LRRC49: variants seen among roughly 807,000 people sequenced by gnomAD.
The protein encoded by LRRC49 is leucine rich repeat containing 49, also known as leucine-rich repeat-containing protein 49.
Under a neutral mutation model 83.3 loss-of-function variants are expected in LRRC49, and 50 were observed. That is an observed-to-expected ratio of 0.60 (90% CI 0.48 to 0.76). LRRC49 has a LOEUF of 0.76. Ranked by LOEUF, LRRC49 falls within the 30% of genes least tolerant of loss-of-function variation. The probability of loss-of-function intolerance (pLI) is 0.00; values close to 1 mark genes in which losing one functional copy is unlikely to be tolerated. For missense variants in LRRC49, 704 were observed against 809.1 expected (o/e 0.87, Z 1.58); for synonymous variants, 286 against 283.3 (o/e 1.01, Z -0.10).
chr15:70,905,431 A>G (rs575256426), intron 5 of LRRC49, among the ~76,000 whole-genome samples: 1 of 152,164 alleles, frequency 6.6e-6, no homozygotes, highest in Non-Finnish European at 1.5e-5. Flanking sequence ...CTCCTCCTCC[A>G]TCTTTCCCTG....
intron 7 of LRRC49, among the ~76,000 whole-genome samples, chr15:70,926,070 G>C (rs1567055247): frequency 6.6e-6 from 1 of 152,010 alleles, no homozygotes; most frequent in Non-Finnish European, 1.5e-5. Context: ...ATAATGTCTT[G>C]ATATTCATCC....
At chr15:71,034,435 G>C (rs2039457150) in intron 14 of LRRC49, among the ~76,000 whole-genome samples, 3 of 152,066 alleles carry the variant, frequency 2.0e-5, no homozygotes, top group Admixed American at 2.0e-4. Context: ...ACTGTTAGTG[G>C]GAATGTAATT....
intron 14 of LRRC49, among the ~76,000 whole-genome samples, chr15:71,027,930 C>A (rs1365899391): frequency 6.6e-6 from 1 of 152,180 alleles, no homozygotes; most frequent in African/African-American, 2.4e-5. Flanking sequence ...TTTGAATACA[C>A]TTTATTTCTT....
chr15:70,876,931 G>T (rs2033164603), intron 2 of LRRC49, among the ~76,000 whole-genome samples: 1 of 152,074 alleles, frequency 6.6e-6, no homozygotes. Flanking sequence ...GCTTGTTCTG[G>T]CAACATTCTG....
At chr15:70,907,941 C>A in intron 5 of LRRC49, 1 of 455,946 alleles carries the variant, frequency 2.2e-6, no homozygotes, top group South Asian at 1.5e-5. Flanking sequence ...CCAGTAGGGG[C>A]CTTCTAGGTC....
intron 8 of LRRC49, among the ~76,000 whole-genome samples, chr15:70,960,378 C>G (rs1279373085): frequency 1.3e-5 from 2 of 152,136 alleles, no homozygotes; most frequent in Admixed American, 1.3e-4. Flanking sequence ...AGTCGTTGAG[C>G]CCAATAACTC....
chr15:70,995,665 C>T (rs1448930916), intron 11 of LRRC49, among the ~76,000 whole-genome samples: 1 of 152,138 alleles, frequency 6.6e-6, no homozygotes, highest in East Asian at 1.9e-4. Context: ...GGCAAAACTA[C>T]CTCTGATCAG....
intron 1 of LRRC49, among the ~76,000 whole-genome samples, chr15:70,863,483 C>T (rs2032840366): frequency 6.6e-6 from 1 of 152,192 alleles, no homozygotes; most frequent in Middle Eastern, 3.2e-3. Context: ...CTGTGGGTCC[C>T]AGGAGGAGCC....
At chr15:70,990,439 AG>A (rs2037824947) in intron 11 of LRRC49, among the ~76,000 whole-genome samples, 1 of 152,210 alleles carries the variant, frequency 6.6e-6, no homozygotes, top group Non-Finnish European at 1.5e-5. Flanking sequence ...CCTCCGAGCC[AG>A]GTGCGGGATA....
intron 8 of LRRC49, among the ~76,000 whole-genome samples, chr15:70,952,578 T>C (rs1469377223): frequency 6.6e-6 from 1 of 152,180 alleles, no homozygotes; most frequent in Non-Finnish European, 1.5e-5. Context: ...GTATGTGCCA[T>C]GTGCAGATGA....
At chr15:70,923,051 A>G (rs1298867934) in intron 7 of LRRC49, among the ~76,000 whole-genome samples, 1 of 152,042 alleles carries the variant, frequency 6.6e-6, no homozygotes, top group Non-Finnish European at 1.5e-5. Flanking sequence ...AAATCACTTC[A>G]GCTTCTTCCC....
At chr15:71,034,147 G>C (rs1482391862) in intron 14 of LRRC49, among the ~76,000 whole-genome samples, 2 of 151,940 alleles carry the variant, frequency 1.3e-5, no homozygotes, top group Non-Finnish European at 2.9e-5. Context: ...TCTGACAAAG[G>C]CCTAATATCC....
At chr15:70,993,049 G>A (rs1010921070) in intron 11 of LRRC49, among the ~76,000 whole-genome samples, 2 of 152,216 alleles carry the variant, frequency 1.3e-5, no homozygotes, top group Admixed American at 6.5e-5. Context: ...CTTGCTGGCT[G>A]CTTTGTTTAC....
intron 9 of LRRC49, among the ~76,000 whole-genome samples, chr15:70,975,650 G>A (rs929480949): frequency 4.6e-5 from 7 of 152,150 alleles, no homozygotes; most frequent in African/African-American, 9.6e-5. Flanking sequence ...CCAAGATCTC[G>A]CCACTGCACT....
At chr15:70,958,088 A>G (rs553494831) in intron 8 of LRRC49, among the ~76,000 whole-genome samples, 1 of 152,066 alleles carries the variant, frequency 6.6e-6, no homozygotes, top group Admixed American at 6.5e-5. Context: ...TCACATCCAA[A>G]TGATTACTAA....
chr15:71,001,266 G>C (rs1046061927), intron 11 of LRRC49, among the ~76,000 whole-genome samples: 6 of 152,232 alleles, frequency 3.9e-5, no homozygotes, highest in East Asian at 1.9e-4. Context: ...TATTTATTGA[G>C]TGTTCTTTCC....
chr15:70,913,970 T>G (rs2034655052), intron 6 of LRRC49, among the ~76,000 whole-genome samples: 1 of 152,010 alleles, frequency 6.6e-6, no homozygotes, highest in Admixed American at 6.5e-5. Flanking sequence ...GTGTTATATA[T>G]TTTATAATTT....
intron 7 of LRRC49, among the ~76,000 whole-genome samples, chr15:70,923,189 A>G (rs1596024424): frequency 1.3e-5 from 2 of 152,126 alleles, no homozygotes; most frequent in East Asian, 1.9e-4. Context: ...TTTGAAATGT[A>G]TGGATTTTTT....
chr15:70,904,353 C>G (rs1424476126), intron 4 of LRRC49, among the ~76,000 whole-genome samples, 199 bp from the exon 5 acceptor site: 1 of 151,794 alleles, frequency 6.6e-6, no homozygotes, highest in East Asian at 1.9e-4. Context: ...AATAATAAAC[C>G]CTGTCAAAGT....
Sources: gnomAD v4.1 joint callset for allele counts (sites outside exome capture counted in the v4.1 genomes callset) on GRCh38, gnomAD v4.1.1 for gene constraint, MANE v1.5 for transcripts, NCBI Gene and HGNC (gene_info 2026-07-23, HGNC 2026-07-21) for gene names.